The following TRAPPC4 variants were observed in gnomAD, a reference collection of about 807,000 sequenced individuals.
TRAPPC4 encodes TRS23 homolog.
Under a neutral mutation model 23.5 loss-of-function variants are expected in TRAPPC4, and 30 were observed. That is an observed-to-expected ratio of 1.28 (90% CI 0.96 to 1.73). The LOEUF is 1.73. TRAPPC4 is among the 40% of genes most tolerant of loss of function. TRAPPC4 has a pLI of 0.00. For synonymous variants in TRAPPC4, 129 were observed against 105.3 expected, an observed-to-expected ratio of 1.23 and a Z score of -1.38; for missense variants, 252 against 268.9, an observed-to-expected ratio of 0.94 and a Z score of 0.44.
At chr11:119,021,718 CCAGT>C in intron 3 of TRAPPC4, 38 bp from the exon 4 acceptor site, 3 of 1,608,796 alleles carry the variant, frequency 1.9e-6, no homozygotes, top group Non-Finnish European at 2.5e-6. Flanking sequence ...ACTATTTGCT[CCAGT>C]GTCTACGCTT....
At position 119,018,891 on chromosome 11, in the gene TRAPPC4, C is replaced by A; in HGVS notation, c.96C>A (p.Phe32Leu). The part of the protein sequence containing the change: ...YAPRAEAEKT[F>L]SYPLDLLLKL... ...CACGGGCTGAGGCTGAGAAAACTTT[C>A]AGTTATCCGCTGGATCTGCTGCTCA... The change falls in exon 1 of 5, where the codon TTC becomes TTA. Residue 32 changes from phenylalanine to leucine, a missense_variant. Phe to Leu is a conservative substitution (Grantham distance 22). Transcript: ENST00000533632. 2.5e-6 allele frequency: 4 copies of A among 1,614,146 alleles called. No individual in the cohort carries two copies. Among genetic ancestry groups the A allele is most frequent in the Non-Finnish European group, 3.4e-6 (4 of 1,180,022 alleles).
Position 119,023,374 on chromosome 11 carries a change from C to CT in TRAPPC4, c.636dup (p.Gly213TrpfsTer10). 1 of 1,614,082 alleles carries CT rather than the reference C, an allele frequency of 6.2e-7. No individual in the cohort carries two copies. The highest frequency in any genetic ancestry group is 8.5e-7 in the Non-Finnish European group (1 of 1,179,980). ...CTAGCTCTGGAGGTGGCAGAGAAGG[C>CT]TGGAACTTTTGGACCTGGGTCATAG... On this transcript the variant is annotated frameshift_variant, in exon 5 of 5. Coordinates refer to ENST00000533632, the MANE Select transcript of TRAPPC4 (RefSeq NM_016146.6). LOFTEE classifies it high-confidence loss of function.
chr11:119,019,318 G>A lies in TRAPPC4; in HGVS notation c.350+1G>A. ...TTATGCTGGCCTCCATGTTCCACTC[G>A]TAAGTCCCCCGTCTCCTGAACGGCA... On this transcript the variant is annotated splice_donor_variant, in intron 2 of 4. Coordinates refer to ENST00000533632, the MANE Select transcript of TRAPPC4 (RefSeq NM_016146.6). LOFTEE classifies it high-confidence loss of function. 1 of 1,610,460 alleles carries A rather than the reference G, an allele frequency of 6.2e-7. No individual in the cohort carries two copies. Among genetic ancestry groups the A allele is most frequent in the Non-Finnish European group, 8.5e-7 (1 of 1,177,030 alleles).
chr11:119,023,193 G>C, intron 4 of TRAPPC4, 128 bp from the exon 5 acceptor site: 1 of 824,744 alleles, frequency 1.2e-6, no homozygotes, highest in South Asian at 1.5e-5. Flanking sequence ...TCAAAGTCCT[G>C]ACCTCAGCTG....
Position 119,018,913 on chromosome 11 carries a change from C to G in TRAPPC4, c.118C>G (p.Leu40Val), listed in dbSNP as rs1943245649. 6.2e-7 allele frequency: 1 copy of G among 1,614,002 alleles called. No homozygotes were observed. Among genetic ancestry groups the G allele is most frequent in the Non-Finnish European group, 8.5e-7 (1 of 1,180,040 alleles). ...KTFSYPLDLL[L>V]KLHDERVLVA... is the part of the protein sequence containing the mutation. ...TTTCAGTTATCCGCTGGATCTGCTG[C>G]TCAAGCTACACGATGAGCGTGTGTT... The change falls in exon 1 of 5, where the codon CTC (leucine) becomes GTC (valine). Residue 40 changes from leucine (L) to valine (V), a missense_variant. Transcript: ENST00000533632.
chr11:119,018,917 A>G lies in TRAPPC4; in HGVS notation c.122A>G (p.Lys41Arg), dbSNP rs1943245810. ...AGTTATCCGCTGGATCTGCTGCTCA[A>G]GCTACACGATGAGCGTGTGTTGGTT... Reference protein sequence around the residue: ...TFSYPLDLLLKLHDERVLVAF... With the variant: ...TFSYPLDLLLRLHDERVLVAF... Residue 41 changes from lysine (K) to arginine (R), a missense_variant, in exon 1 of 5, where the codon AAG becomes AGG. Around this residue, in one of 3 missense-constraint regions of TRAPPC4, gnomAD observed 222 missense variants for 217.8 expected, o/e 1.02. Transcript: ENST00000533632. 6 of 1,613,816 alleles carry G rather than the reference A, an allele frequency of 3.7e-6. No individual in the cohort carries two copies. The highest frequency in any genetic ancestry group is 2.2e-5 in the South Asian group (2 of 91,086).
intron 2 of TRAPPC4, 91 bp downstream of exon 2, chr11:119,019,408 C>T: frequency 7.2e-7 from 1 of 1,384,098 alleles, no homozygotes; most frequent in Non-Finnish European, 9.9e-7. Context: ...CGCAACCGAT[C>T]CAGATCTAGA....
intron 2 of TRAPPC4, chr11:119,019,625 A>G: frequency 3.2e-6 from 1 of 311,290 alleles, no homozygotes; most frequent in Non-Finnish European, 6.1e-6. Flanking sequence ...TATTTTTAGT[A>G]GAGAGGGGTT....
chr11:119,020,592 G>A (rs995612382), intron 3 of TRAPPC4: 1 of 218,290 alleles, frequency 4.6e-6, no homozygotes, highest in African/African-American at 2.3e-5. Flanking sequence ...TATTAGAGAT[G>A]GTGTTTCTCC....
Position 119,023,497 on chromosome 11 carries a change from C to T in TRAPPC4, c.*98C>T. ...AAATCCCAGCAGCCTTGTTAGTGCA[C>T]TTGAAAGTGGGAGAATGCTGACCCT... is the stretch of plus-strand genomic sequence containing the variant. On this transcript the variant is annotated 3_prime_UTR_variant, in exon 5 of 5. Transcript: ENST00000533632. 8.6e-7 allele frequency: 1 copy of T among 1,167,638 alleles called. No homozygotes were observed. The allele number at this position is 1,167,638 out of a possible 1,614,324, so 72.3% of individuals were successfully genotyped here. A position where few individuals can be genotyped will look rare whatever the true frequency, so the allele number is the denominator to read the frequency against.
chr11:119,018,908 T>G lies in TRAPPC4; in HGVS notation c.113T>G (p.Leu38Arg), dbSNP rs904206290. ...AEKTFSYPLD[L>R]LLKLHDERVL... ...AAAACTTTCAGTTATCCGCTGGATC[T>G]GCTGCTCAAGCTACACGATGAGCGT... The change falls in exon 1 of 5, where the codon CTG (leucine) becomes CGG (arginine). Residue 38 changes from leucine (L) to arginine (R), a missense_variant. Transcript: ENST00000533632. The G allele has an allele frequency of 6.2e-7, 1 of 1,614,050 alleles. No individual in the cohort carries two copies. The highest frequency in any genetic ancestry group is 1.3e-5 in the African/African-American group (1 of 75,068).
At chr11:119,022,899 C>CT (rs1277831563) in intron 4 of TRAPPC4, 1 of 151,350 alleles carries the variant, frequency 6.6e-6, no homozygotes, top group Non-Finnish European at 1.5e-5. Context: ...AGAAAACAGA[C>CT]TTTCCTTGGT....
intron 3 of TRAPPC4, 143 bp downstream of exon 3, chr11:119,020,396 A>G (rs1471957501): frequency 5.3e-5 from 33 of 627,264 alleles, no homozygotes; most frequent in Admixed American, 5.0e-5. Flanking sequence ...TTTGGTAAGC[A>G]AGAAGAGGGG....
rs782316846 is a variant in TRAPPC4, at chr11:119,020,146, A to G, written c.351-4A>G. On this transcript the variant is annotated splice_polypyrimidine_tract_variant and splice_region_variant and intron_variant, in intron 2 of 4. Transcript: ENST00000533632. Reference sequence around the variant, plus strand: ...TAGAGCAACTTTGCCTCCTTTGCATATAGGCTCTTTGCCATCGGCTCCCAG... The same window carrying G: ...TAGAGCAACTTTGCCTCCTTTGCATGTAGGCTCTTTGCCATCGGCTCCCAG... The G allele has an allele frequency of 1.6e-5, 26 of 1,612,822 alleles. No individual in the cohort carries two copies. Among genetic ancestry groups the G allele is most frequent in the Non-Finnish European group, 2.2e-5 (26 of 1,179,174 alleles).
At position 119,020,344 on chromosome 11, in the gene TRAPPC4, T is replaced by C. The variant is rs551753630; in HGVS notation, c.454+91T>C. The C allele has an allele frequency of 1.0e-4, 107 of 1,041,990 alleles. No individual in the cohort carries two copies. In the South Asian group the frequency reaches 1.3e-3, roughly 13 times the overall value. The allele number at this position is 1,041,990 out of a possible 1,614,324, so 64.5% of individuals were successfully genotyped here. A position where few individuals can be genotyped will look rare whatever the true frequency, so the allele number is the denominator to read the frequency against. On this transcript the variant is annotated intron_variant, in intron 3 of 4. Transcript: ENST00000533632. ...TGCATCTCCAGGTGGGCCAGAGGAG[T>C]GTGGTGGAGAAGGTGGGAGGAGGGG... is the stretch of plus-strand genomic sequence containing the variant.
intron 2 of TRAPPC4, 95 bp from the exon 3 acceptor site, chr11:119,020,055 G>C (rs931307996): frequency 3.8e-6 from 3 of 789,254 alleles, no homozygotes; most frequent in African/African-American, 1.7e-5. Context: ...GACTGTCCCA[G>C]GCTGTAATGT....
In TRAPPC4 at chr11:119,023,318, T is replaced by G. The variant is rs1230374704; in HGVS notation, c.582-3T>G. On this transcript the variant is annotated splice_polypyrimidine_tract_variant and splice_region_variant and intron_variant, in intron 4 of 4. Coordinates refer to ENST00000533632, the MANE Select transcript of TRAPPC4 (RefSeq NM_016146.6). ...TTTTTTCCTCACCCTGGGCCCGGCT[T>G]AGGTGTGAGCTCTTTGACCAGAACC... 6.2e-7 allele frequency: 1 copy of G among 1,614,038 alleles called. No homozygotes were observed. The highest frequency in any genetic ancestry group is 2.2e-5 in the East Asian group (1 of 44,882).
chr11:119,022,268 G>A (rs1308690088), intron 4 of TRAPPC4, among the ~76,000 whole-genome samples: 1 of 152,198 alleles, frequency 6.6e-6, no homozygotes, highest in African/African-American at 2.4e-5. Context: ...ACAGGCGTGA[G>A]CCACTGCGCC....
At position 119,019,031 on chromosome 11, in the gene TRAPPC4, T is replaced by C. The variant is rs916729294; in HGVS notation, c.175+61T>C. ...TGGGAGGGCCCCAGTGCTGTAGAAG[T>C]GGGCTGGTTGTAGGTGCGGGGTTGG... is the stretch of plus-strand genomic sequence containing the variant. On this transcript the variant is annotated intron_variant, in intron 1 of 4. Coordinates refer to ENST00000533632, the MANE Select transcript of TRAPPC4 (RefSeq NM_016146.6). 29 of 1,590,970 alleles carry C rather than the reference T, an allele frequency of 1.8e-5. No individual in the cohort carries two copies. In the Admixed American group the frequency reaches 4.9e-4, roughly 27 times the overall value.
Sources: gnomAD v4.1 joint callset for allele counts (sites outside exome capture counted in the v4.1 genomes callset) on GRCh38, gnomAD v4.1.1 for gene constraint, gnomAD v4.1.1 regional missense constraint, MANE v1.5 for transcripts, NCBI Gene and HGNC (gene_info 2026-07-23, HGNC 2026-07-21) for gene names.